The following TCF7L1 variants were observed in gnomAD, a reference collection of about 807,000 sequenced individuals.
The protein encoded by TCF7L1 is transcription factor 7 like 1.
TCF7L1 carries 18 observed loss-of-function variants against 63.7 expected under a neutral mutation model. That is an observed-to-expected ratio of 0.28 (90% confidence interval 0.20 to 0.42). The LOEUF is 0.42. Among genes scored for constraint, TCF7L1 ranks in the 10% least tolerant of loss-of-function variants. The pLI is 1.00. For missense variants in TCF7L1, 654 were observed against 779.3 expected (o/e 0.84, Z 1.91); for synonymous variants, 355 against 340.9 (o/e 1.04, Z -0.46).
At chr2:85,138,171 G>A (rs976145073) in intron 3 of TCF7L1, among the ~76,000 whole-genome samples, 1 of 152,084 alleles carries the variant, frequency 6.6e-6, no homozygotes, top group Middle Eastern at 3.2e-3. Flanking sequence ...ACAAGCACAC[G>A]AAAGGCTTTG....
At chr2:85,177,081 A>G (rs1487905643) in intron 3 of TCF7L1, among the ~76,000 whole-genome samples, 1 of 151,842 alleles carries the variant, frequency 6.6e-6, no homozygotes, top group East Asian at 1.9e-4. Flanking sequence ...TTGGGAGGAT[A>G]GAGGGTGAGA....
chr2:85,213,179 A>G (rs1203115393), intron 3 of TCF7L1, among the ~76,000 whole-genome samples: 1 of 152,172 alleles, frequency 6.6e-6, no homozygotes, highest in Admixed American at 6.5e-5. Context: ...GGCCAGGTGC[A>G]TGAATGGACC....
rs879529138 is a variant in TCF7L1 at position 85,261,168 on chromosome 2, G to GTA, written c.442-22326_442-22325insAT. Among the ~76,000 whole-genome samples, 584 of 144,846 alleles carry GTA rather than the reference G, an allele frequency of 4.0e-3. 1 individual carries two copies. The highest frequency in any genetic ancestry group is 6.2e-3 in the Non-Finnish European group (407 of 66,074). On this transcript the variant is annotated intron_variant, in intron 3 of 11. Coordinates refer to ENST00000282111, the MANE Select transcript of TCF7L1 (RefSeq NM_031283.3). ...TGTGTGTGTGTGTGTGTGTGTGTGT[G>GTA]TGTGGTATTTCATAGCCAAAGCTAT...
chr2:85,135,356 A>T (rs1677568912), intron 3 of TCF7L1, among the ~76,000 whole-genome samples: 1 of 151,988 alleles, frequency 6.6e-6, no homozygotes, highest in Non-Finnish European at 1.5e-5. Context: ...TGTTGGGTGA[A>T]CGCCTACCTA....
At chr2:85,254,300 G>T (rs1680656410) in intron 3 of TCF7L1, among the ~76,000 whole-genome samples, 1 of 152,246 alleles carries the variant, frequency 6.6e-6, no homozygotes, top group South Asian at 2.1e-4. Flanking sequence ...GAATTAGGGG[G>T]TCTTCTGAAT....
Position 85,305,274 on chromosome 2 carries a change from G to T in TCF7L1, c.860G>T (p.Arg287Leu). 1 of 1,613,978 alleles carries T rather than the reference G, an allele frequency of 6.2e-7. No homozygotes were observed. Among genetic ancestry groups the T allele is most frequent in the Non-Finnish European group, 8.5e-7 (1 of 1,179,986 alleles). Reference protein sequence around the residue: ...NASMSSLVSSRFSPHMVAPAH... With the variant: ...NASMSSLVSSLFSPHMVAPAH... ...CCGGTGCACAGCCTGGTCTCCAGTC[G>T]GTTCTCTCCTCACATGGTGGCTCCT... The change falls in exon 8 of 12, where the codon CGG (arginine) becomes CTG (leucine). Residue 287 changes from arginine (R) to leucine (L), a missense_variant. Coordinates refer to ENST00000282111, the MANE Select transcript of TCF7L1 (RefSeq NM_031283.3).
rs779081805 is a variant in TCF7L1, at chr2:85,145,064, C to CA, written c.441+10630dup. Among the ~76,000 whole-genome samples, 431 of 90,182 alleles carry CA rather than the reference C, an allele frequency of 4.8e-3. 4 individuals carry two copies. Among genetic ancestry groups the CA allele is most frequent in the South Asian group, 0.045 (129 of 2,884 alleles). The allele number at this position is 90,182 out of a possible 152,430, so 59.2% of individuals were successfully genotyped here. On this transcript the variant is annotated intron_variant, in intron 3 of 11. Coordinates refer to ENST00000282111, the MANE Select transcript of TCF7L1 (RefSeq NM_031283.3). ...TGGGCAAAAAAGCGAGACTTTGTTTCAAAAAAAAAAAAAAAAGAAATCATG... is the reference window on the plus strand; with the variant it reads ...TGGGCAAAAAAGCGAGACTTTGTTTCAAAAAAAAAAAAAAAAAGAAATCATG...
intron 4 of TCF7L1, among the ~76,000 whole-genome samples, chr2:85,288,979 TGAATGAATGGAA>T (rs1464788656): frequency 6.6e-6 from 1 of 152,180 alleles, no homozygotes; most frequent in Non-Finnish European, 1.5e-5. Context: ...GAGCATTTGT[TGAATGAATGGAA>T]GAATGAATGG....
At chr2:85,308,957 C>T (rs1181232718) in intron 11 of TCF7L1, 72 bp from the exon 12 acceptor site, 1 of 1,491,928 alleles carries the variant, frequency 6.7e-7, no homozygotes, top group Non-Finnish European at 9.0e-7. Context: ...ACATGTATCG[C>T]CAGGGCTGTT....
intron 3 of TCF7L1, among the ~76,000 whole-genome samples, chr2:85,282,415 G>A (rs184808683): frequency 4.6e-5 from 7 of 152,362 alleles, no homozygotes; most frequent in East Asian, 1.9e-4. Context: ...ACCTGTCAGC[G>A]TTGACACTAA....
intron 3 of TCF7L1, among the ~76,000 whole-genome samples, chr2:85,241,449 T>G (rs866204787): frequency 0.11 from 15,651 of 136,576 alleles, 1,688 homozygotes; most frequent in African/African-American, 0.27. Context: ...TTTTTTTTTT[T>G]TTTTTTTTTT....
chr2:85,254,493 G>C (rs1429187489), intron 3 of TCF7L1, among the ~76,000 whole-genome samples: 1 of 152,202 alleles, frequency 6.6e-6, no homozygotes, highest in Non-Finnish European at 1.5e-5. Context: ...ATTCCCCTTG[G>C]AGTCTTGCTT....
intron 3 of TCF7L1, among the ~76,000 whole-genome samples, chr2:85,211,861 G>A (rs539283128): frequency 1.3e-5 from 2 of 152,194 alleles, no homozygotes; most frequent in South Asian, 2.1e-4. Flanking sequence ...AGGCCGAGGC[G>A]GGTGGGTCAC....
chr2:85,175,680 G>T (rs1051420659), intron 3 of TCF7L1, among the ~76,000 whole-genome samples: 1 of 152,196 alleles, frequency 6.6e-6, no homozygotes, highest in African/African-American at 2.4e-5. Context: ...TGTATTCATT[G>T]TCTGCCTAAA....
At chr2:85,200,956 T>G (rs1679256296) in intron 3 of TCF7L1, among the ~76,000 whole-genome samples, 1 of 152,104 alleles carries the variant, frequency 6.6e-6, no homozygotes, top group Non-Finnish European at 1.5e-5. Context: ...ATCCTAGCAT[T>G]TTGGGAGGCC....
At chr2:85,230,951 C>T (rs1262895339) in intron 3 of TCF7L1, among the ~76,000 whole-genome samples, 1 of 152,160 alleles carries the variant, frequency 6.6e-6, no homozygotes, top group Non-Finnish European at 1.5e-5. Context: ...AAAACTTAGT[C>T]TAAGTTTGGA....
chr2:85,194,122 A>AG (rs1387656960), intron 3 of TCF7L1, among the ~76,000 whole-genome samples: 2 of 152,144 alleles, frequency 1.3e-5, no homozygotes, highest in African/African-American at 4.8e-5. Context: ...AGAGAGGAGA[A>AG]GGGGGGAATA....
intron 3 of TCF7L1, among the ~76,000 whole-genome samples, chr2:85,146,220 G>T (rs926851669): frequency 6.6e-6 from 1 of 152,080 alleles, no homozygotes; most frequent in Non-Finnish European, 1.5e-5. Flanking sequence ...TTATCACCTC[G>T]ATTTTATCCT....
At chr2:85,254,148 A>G (rs189734898) in intron 3 of TCF7L1, among the ~76,000 whole-genome samples, 1 of 152,372 alleles carries the variant, frequency 6.6e-6, no homozygotes, top group East Asian at 1.9e-4. Flanking sequence ...TCATCTCATT[A>G]GGGATAATCA....
Sources: gnomAD v4.1 joint callset for allele counts (sites outside exome capture counted in the v4.1 genomes callset) on GRCh38, gnomAD v4.1.1 for gene constraint, MANE v1.5 for transcripts, NCBI Gene and HGNC (gene_info 2026-07-23, HGNC 2026-07-21) for gene names.